Variants in CNTN5 observed in about 807,000 individuals in gnomAD.
CNTN5 encodes contactin 5.
A neutral mutation model predicts 129.1 loss-of-function variants in CNTN5; 77 were observed. The observed-to-expected ratio is 0.60, with a 90% CI of 0.50 to 0.72. CNTN5 has a LOEUF of 0.72. Among genes scored for constraint, CNTN5 ranks in the 30% least tolerant of loss-of-function variants. The pLI, the probability that CNTN5 is intolerant of heterozygous loss-of-function variation, is 0.00. For synonymous variants in CNTN5, 509 were observed against 465.6 expected, an observed-to-expected ratio of 1.09 and a Z score of -1.20; for missense variants, 1,478 against 1,328.8, an observed-to-expected ratio of 1.11 and a Z score of -1.75.
At chr11:100,339,281 A>G (rs183322725) in intron 21 of CNTN5, among the ~76,000 whole-genome samples, 136 of 152,168 alleles carry the variant, frequency 8.9e-4, no homozygotes, top group Non-Finnish European at 1.5e-3. Context: ...TCCAAGAAGA[A>G]TGAGGTCATA....
intron 2 of CNTN5, among the ~76,000 whole-genome samples, chr11:99,370,057 G>A (rs1179813369): frequency 6.6e-6 from 1 of 152,142 alleles, no homozygotes; most frequent in Non-Finnish European, 1.5e-5. Flanking sequence ...TTGAAAAGGT[G>A]TTGAAGAGTT....
chr11:99,940,318 ATATTAG>A lies in CNTN5; in HGVS notation c.674-16479_674-16474del, dbSNP rs770710233. On this transcript the variant is annotated intron_variant, in intron 7 of 24. Coordinates refer to ENST00000524871, the MANE Select transcript of CNTN5 (RefSeq NM_014361.4). ...GCTCTTTAGCTTTTAGATCCTCCAAATATTAGTATTAGTAGAGATTGCTGACTCTTT... is the reference window on the plus strand; with the variant it reads ...GCTCTTTAGCTTTTAGATCCTCCAAATATTAGTAGAGATTGCTGACTCTTT... 7.2e-5 allele frequency among the ~76,000 whole-genome samples: 11 copies of A among 152,308 alleles called. No individual in the cohort carries two copies. The South Asian group carries it at 1.0e-3, about 14-fold the overall frequency.
intron 3 of CNTN5, among the ~76,000 whole-genome samples, chr11:99,563,310 T>C (rs987574948): frequency 2.6e-5 from 4 of 152,142 alleles, no homozygotes; most frequent in African/African-American, 9.7e-5. Flanking sequence ...AGAGGAAAAT[T>C]AGACAATTAT....
chr11:99,724,687 CT>C (rs1174802587), intron 3 of CNTN5, among the ~76,000 whole-genome samples: 1 of 152,058 alleles, frequency 6.6e-6, no homozygotes, highest in Non-Finnish European at 1.5e-5. Context: ...GAGATACTAC[CT>C]TTTAGTTATC....
chr11:99,312,284 C>T (rs1481380116), intron 1 of CNTN5, among the ~76,000 whole-genome samples: 3 of 151,912 alleles, frequency 2.0e-5, no homozygotes, highest in African/African-American at 4.8e-5. Context: ...TATGAAACAC[C>T]GGGGTTAAAG....
At chr11:100,031,039 T>A (rs139269125) in intron 9 of CNTN5, among the ~76,000 whole-genome samples, 1 of 152,186 alleles carries the variant, frequency 6.6e-6, no homozygotes. Context: ...CCCTACACTT[T>A]CCACTGCACA....
intron 6 of CNTN5, among the ~76,000 whole-genome samples, chr11:99,861,512 A>G (rs1031333890): frequency 1.3e-5 from 2 of 152,186 alleles, no homozygotes; most frequent in African/African-American, 2.4e-5. Context: ...TTTTTTTCCA[A>G]TAATTCAAGC....
chr11:99,662,013 G>C (rs1952612220), intron 3 of CNTN5, among the ~76,000 whole-genome samples: 1 of 152,034 alleles, frequency 6.6e-6, no homozygotes, highest in Non-Finnish European at 1.5e-5. Context: ...CTATATTCAG[G>C]ATGACAAGTA....
chr11:99,899,362 T>C (rs769306913), intron 6 of CNTN5, among the ~76,000 whole-genome samples: 4 of 152,080 alleles, frequency 2.6e-5, no homozygotes, highest in Non-Finnish European at 5.9e-5. Context: ...GCCTGTAGTT[T>C]GTCATGCATG....
At chr11:100,337,140 C>T (rs1310908743) in intron 21 of CNTN5, 1 of 1,416,090 alleles carries the variant, frequency 7.1e-7, no homozygotes, top group African/African-American at 1.4e-5. Flanking sequence ...AAATAGATGA[C>T]ATGACAGCTG....
At chr11:99,844,691 A>G (rs1333652080) in intron 4 of CNTN5, 161 bp from the exon 5 acceptor site, 11 of 636,560 alleles carry the variant, frequency 1.7e-5, no homozygotes, top group East Asian at 2.9e-5. Context: ...ACAATTTAAT[A>G]AAACAATGCA....
At chr11:100,162,222 G>T (rs559201651) in intron 13 of CNTN5, among the ~76,000 whole-genome samples, 1 of 151,892 alleles carries the variant, frequency 6.6e-6, no homozygotes, top group East Asian at 1.9e-4. Context: ...CCGCGATAAA[G>T]AACTTAGAAT....
intron 9 of CNTN5, among the ~76,000 whole-genome samples, chr11:100,038,077 T>A (rs1303313656): frequency 6.6e-6 from 1 of 152,214 alleles, no homozygotes; most frequent in Admixed American, 6.5e-5. Flanking sequence ...CAATTTTAGA[T>A]CTTTCCTGCT....
intron 13 of CNTN5, among the ~76,000 whole-genome samples, chr11:100,188,530 C>T (rs1195313773): frequency 1.3e-5 from 2 of 152,090 alleles, no homozygotes; most frequent in African/African-American, 4.8e-5. Context: ...AAATCAAAGC[C>T]ATAATGAGAC....
In CNTN5 at chr11:100,255,869, C is replaced by A; in HGVS notation, c.2115C>A (p.Asn705Lys). The change falls in exon 17 of 25, where the codon AAC becomes AAA. Residue 705 changes from asparagine to lysine, a missense_variant. Transcript: ENST00000524871. Reference sequence around the variant, plus strand: ...ACCACAGCCCAATCTCCTCCTACAACCTTCAAGCTCGCAGCCCATTTTCCC... The same window carrying A: ...ACCACAGCCCAATCTCCTCCTACAAACTTCAAGCTCGCAGCCCATTTTCCC... ...ADNHSPISSY[N>K]LQARSPFSLG... 1.2e-6 allele frequency: 2 copies of A among 1,613,940 alleles called. No individual in the cohort carries two copies. Among genetic ancestry groups the A allele is most frequent in the South Asian group, 1.1e-5 (1 of 91,086 alleles).
intron 3 of CNTN5, among the ~76,000 whole-genome samples, chr11:99,798,973 C>G (rs764518222): frequency 6.6e-6 from 1 of 151,964 alleles, no homozygotes; most frequent in African/African-American, 2.4e-5. Context: ...TTGTAGAGAT[C>G]TTTTATCTCC....
intron 1 of CNTN5, among the ~76,000 whole-genome samples, chr11:99,077,317 T>G (rs1416976646): frequency 2.6e-5 from 4 of 152,218 alleles, no homozygotes; most frequent in Admixed American, 1.3e-4. Flanking sequence ...CTGACATTTA[T>G]ATAATAATAG....
chr11:99,570,481 T>C (rs1261737549), intron 3 of CNTN5, among the ~76,000 whole-genome samples: 3 of 152,336 alleles, frequency 2.0e-5, no homozygotes, highest in African/African-American at 7.2e-5. Flanking sequence ...ATATTGTGTA[T>C]TGGGGATAAA....
intron 3 of CNTN5, among the ~76,000 whole-genome samples, chr11:99,779,159 AAC>A (rs1042199775): frequency 3.9e-5 from 6 of 151,936 alleles, no homozygotes; most frequent in Admixed American, 1.3e-4. Flanking sequence ...TAGGAGGAAA[AAC>A]AGTTTTCATA....
Sources: gnomAD v4.1 joint callset for allele counts (sites outside exome capture counted in the v4.1 genomes callset) on GRCh38, gnomAD v4.1.1 for gene constraint, MANE v1.5 for transcripts, NCBI Gene and HGNC (gene_info 2026-07-23, HGNC 2026-07-21) for gene names.